ANKRD18A: variants seen among roughly 807,000 people sequenced by gnomAD.
ANKRD18A encodes the protein ankyrin repeat domain 18A.
In ANKRD18A, 72 loss-of-function variants were observed where a neutral mutation model predicts 110.6. The ratio of observed to expected loss-of-function variants is 0.65; its 90% CI spans 0.54 to 0.79. The LOEUF (loss-of-function observed/expected upper bound fraction) is 0.79, where lower values mean the gene tolerates loss of function less well. Among genes scored for constraint, ANKRD18A ranks in the 30% least tolerant of loss-of-function variants. The pLI is 0.00. For synonymous variants in ANKRD18A, 305 were observed against 410.3 expected (o/e 0.74, Z 3.10); for missense variants, 934 against 1,163.3 (o/e 0.80, Z 2.87).
rs183383834 is a variant in ANKRD18A at position 38,611,531 on chromosome 9, T to C, written c.496-210A>G. Among the ~76,000 whole-genome samples the C allele has an allele frequency of 1.1e-4, 17 of 152,300 alleles. No individual in the cohort carries two copies. The East Asian group carries it at 3.1e-3, about 28-fold the overall frequency. On this transcript the variant is annotated intron_variant, in intron 3 of 15. Transcript: ENST00000399703. The stretch of plus-strand genomic sequence containing the variant: ...CCTCCCCACATTAACTTCAGTCATC[T>C]CCAAAACTCACTTTATTTACCAGTC...
chr9:38,568,698 C>G (rs1823538427), downstream of ANKRD18A: 1 of 978,370 alleles, frequency 1.0e-6, no homozygotes, highest in Non-Finnish European at 1.2e-6. Flanking sequence ...GTACTGACAC[C>G]CTGCTCTGAG....
chr9:38,618,933 T>C (rs1825965800), intron 1 of ANKRD18A, among the ~76,000 whole-genome samples: 1 of 149,496 alleles, frequency 6.7e-6, no homozygotes, highest in East Asian at 1.9e-4. Context: ...ATCAGTAATA[T>C]GTATTATATA....
intron 6 of ANKRD18A, chr9:38,604,358 A>G (rs1825260481): frequency 6.6e-6 from 1 of 151,234 alleles, no homozygotes; most frequent in African/African-American, 2.4e-5. Context: ...CCCAATTTAA[A>G]AGACACATGT....
Position 38,596,228 on chromosome 9 carries a change from T to C in ANKRD18A, c.1112A>G (p.Lys371Arg). ...CATTTTTTCATTGAGTCTTACACTC[T>C]TTTCAAAGTTAGCATTTATTTCTGT... ...SITEINANFE[K>R]SVRLNEKMIT... is the part of the protein sequence containing the mutation. The change falls in exon 9 of 16, where the codon AAG (lysine) becomes AGG (arginine). Residue 371 changes from lysine (K) to arginine (R), a missense_variant. Coordinates refer to ENST00000399703, the MANE Select transcript of ANKRD18A (RefSeq NM_147195.4). 2.6e-6 allele frequency: 4 copies of C among 1,535,348 alleles called. No homozygotes were observed. The South Asian group carries it at 5.0e-5, about 19-fold the overall frequency.
In ANKRD18A at chr9:38,571,550, T is replaced by C; in HGVS notation, c.*495A>G. Reference sequence around the variant, plus strand: ...TTCAAAGTATCTCCACACAAAATACTATTGAGCTACAAGAAGAAAACCGTA... The same window carrying C: ...TTCAAAGTATCTCCACACAAAATACCATTGAGCTACAAGAAGAAAACCGTA... On this transcript the variant is annotated 3_prime_UTR_variant, in exon 16 of 16. Transcript: ENST00000399703. 3.1e-6 allele frequency: 3 copies of C among 975,352 alleles called. No homozygotes were observed. The highest frequency in any genetic ancestry group is 3.7e-6 in the Non-Finnish European group (3 of 812,036). 60.4% of individuals were successfully genotyped at this position (975,352 alleles called of 1,614,324 possible). A position where few individuals can be genotyped will look rare whatever the true frequency, so the allele number is the denominator to read the frequency against.
chr9:38,614,047 A>C (rs1371951899), intron 3 of ANKRD18A, among the ~76,000 whole-genome samples: 2 of 152,212 alleles, frequency 1.3e-5, no homozygotes, highest in African/African-American at 4.8e-5. Flanking sequence ...ACAAATGTAG[A>C]GAAAGACAGA....
At chr9:38,589,593 G>A (rs1824547664) in intron 10 of ANKRD18A, among the ~76,000 whole-genome samples, 1 of 152,226 alleles carries the variant, frequency 6.6e-6, no homozygotes, top group South Asian at 2.1e-4. Context: ...TTTGTCAGAT[G>A]TTGAGTCCGC....
chr9:38,602,068 C>T (rs534696045), intron 7 of ANKRD18A, among the ~76,000 whole-genome samples: 122 of 149,666 alleles, frequency 8.2e-4, no homozygotes, highest in African/African-American at 2.9e-3. Flanking sequence ...CTTTTCTCCA[C>T]GTACACAGGT....
chr9:38,612,805 T>C (rs917671248), intron 3 of ANKRD18A, among the ~76,000 whole-genome samples: 7 of 151,986 alleles, frequency 4.6e-5, no homozygotes, highest in East Asian at 1.9e-4. Flanking sequence ...GTGTGAGCCA[T>C]TGCACCCGGC....
chr9:38,592,902 GGT>G lies in ANKRD18A; in HGVS notation c.2004+856_2004+857del, dbSNP rs539651827. On this transcript the variant is annotated intron_variant, in intron 10 of 15. Transcript: ENST00000399703. ...CAAATCTGTGGAGACAAAAGTGGATGGTGGTTGCCTACAACTGGGGTAGGTGG... is the reference window on the plus strand; with the variant it reads ...CAAATCTGTGGAGACAAAAGTGGATGGGTTGCCTACAACTGGGGTAGGTGG... Among the ~76,000 whole-genome samples, 1,107 of 152,322 alleles carry G rather than the reference GGT, an allele frequency of 7.3e-3. 12 individuals carry two copies. Among genetic ancestry groups the G allele is most frequent in the African/African-American group, 0.024 (1,012 of 41,580 alleles).
intron 3 of ANKRD18A, among the ~76,000 whole-genome samples, 159 bp from the exon 4 acceptor site, chr9:38,611,480 C>T (rs1335932005): frequency 3.3e-5 from 5 of 152,198 alleles, no homozygotes; most frequent in Non-Finnish European, 5.9e-5. Flanking sequence ...CTTTCCCACA[C>T]ACTGCCTTGA....
At position 38,585,989 on chromosome 9, in the gene ANKRD18A, A is replaced by T. The variant is rs771254312; in HGVS notation, c.2247+194T>A. ...ACATGGACTCAGGGAAGGGAACAAC[A>T]AACACCGGGGCTTGTTGGGGTCAGG... is the stretch of plus-strand genomic sequence containing the variant. On this transcript the variant is annotated intron_variant, in intron 12 of 15. Transcript: ENST00000399703. Among the ~76,000 whole-genome samples the T allele has an allele frequency of 2.0e-4, 31 of 152,258 alleles. No homozygotes were observed. In the Middle Eastern group the frequency reaches 0.01, roughly 50 times the overall value.
At chr9:38,617,752 T>C (rs1300339744) in intron 1 of ANKRD18A, among the ~76,000 whole-genome samples, 1 of 152,168 alleles carries the variant, frequency 6.6e-6, no homozygotes. Context: ...CAGGTAAACA[T>C]AAAGTTTTTA....
In ANKRD18A at chr9:38,620,560, C is replaced by T; in HGVS notation, c.-275G>A. The T allele has an allele frequency of 8.5e-7, 1 of 1,180,654 alleles. No homozygotes were observed. Among genetic ancestry groups the T allele is most frequent in the Non-Finnish European group, 1.1e-6 (1 of 919,046 alleles). The allele number at this position is 1,180,654 out of a possible 1,614,324, so 73.1% of individuals were successfully genotyped here. A position where few individuals can be genotyped will look rare whatever the true frequency, so the allele number is the denominator to read the frequency against. ...GAGCCCAGCTAAGCCGTTAGGCGCG[C>T]GCCTGAACCTCAGCGCTCCGAACTC... On this transcript the variant is annotated 5_prime_UTR_variant, in exon 1 of 16. Coordinates refer to ENST00000399703, the MANE Select transcript of ANKRD18A (RefSeq NM_147195.4).
intron 11 of ANKRD18A, among the ~76,000 whole-genome samples, 163 bp downstream of exon 11, chr9:38,588,388 A>C (rs540766063): frequency 6.6e-6 from 1 of 152,188 alleles, no homozygotes; most frequent in Non-Finnish European, 1.5e-5. Flanking sequence ...TCACATGCCT[A>C]TAAAGTTGTG....
At chr9:38,611,121 A>G (rs1825601111) in intron 4 of ANKRD18A, 94 bp downstream of exon 4, 8 of 1,449,730 alleles carry the variant, frequency 5.5e-6, no homozygotes, top group Admixed American at 3.1e-5. Flanking sequence ...TATAAGTTTA[A>G]TCTTATTAAC....
At chr9:38,598,510 A>G (rs1824986282) in intron 8 of ANKRD18A, among the ~76,000 whole-genome samples, 1 of 152,240 alleles carries the variant, frequency 6.6e-6, no homozygotes, top group Admixed American at 6.5e-5. Context: ...GAGAAGCAGC[A>G]AAGGAACCTC....
intron 3 of ANKRD18A, 111 bp from the exon 4 acceptor site, chr9:38,611,432 T>G: frequency 6.7e-7 from 1 of 1,485,686 alleles, no homozygotes; most frequent in Non-Finnish European, 8.9e-7. Context: ...AGAGAGAAAG[T>G]AAATGCAAAG....
chr9:38,617,212 C>T (rs960723467), intron 1 of ANKRD18A, among the ~76,000 whole-genome samples: 1 of 152,172 alleles, frequency 6.6e-6, no homozygotes, highest in Non-Finnish European at 1.5e-5. Context: ...GAGGCCGAGG[C>T]AGGTGGATCT....
Sources: allele counts gnomAD v4.1 joint callset (sites outside exome capture counted in the v4.1 genomes callset), GRCh38; gene constraint gnomAD v4.1.1; transcripts MANE v1.5; gene names NCBI Gene and HGNC (gene_info 2026-07-23, HGNC 2026-07-21).